Variants in TLR6 observed in about 807,000 individuals in gnomAD.
TLR6 encodes toll-like receptor 6.
TLR6 carries 9 observed loss-of-function variants against 16.1 expected under a neutral mutation model. The observed-to-expected ratio is 0.56, with a 90% CI of 0.34 to 0.98. The LOEUF (loss-of-function observed/expected upper bound fraction) is 0.98. TLR6 is among the 50% of genes least tolerant of loss of function. The pLI is 0.02. For missense variants in TLR6, 786 were observed against 921.0 expected, an observed-to-expected ratio of 0.85 and a Z score of 1.90; for synonymous variants, 340 against 338.6, an observed-to-expected ratio of 1.00 and a Z score of -0.04.
downstream of TLR6, among the ~76,000 whole-genome samples, chr4:38,823,380 C>T (rs1727401248): frequency 6.6e-6 from 1 of 152,194 alleles, no homozygotes; most frequent in African/African-American, 2.4e-5. Context: ...TGTGAGTGCA[C>T]TCTATGATGT....
At chr4:38,855,060 A>C (rs867594836) in intron 1 of TLR6, among the ~76,000 whole-genome samples, 6 of 151,988 alleles carry the variant, frequency 3.9e-5, no homozygotes, top group Non-Finnish European at 4.4e-5. Context: ...AAATACAAAA[A>C]AATTAGCCGG....
chr4:38,849,470 GAC>G (rs1213653065), intron 1 of TLR6, among the ~76,000 whole-genome samples: 40 of 152,196 alleles, frequency 2.6e-4, no homozygotes, highest in Admixed American at 7.2e-4. Flanking sequence ...CCAATTAAAA[GAC>G]ACAGACTGGC....
chr4:38,851,412 A>C (rs1417213982), intron 1 of TLR6, among the ~76,000 whole-genome samples: 1 of 152,208 alleles, frequency 6.6e-6, no homozygotes, highest in Non-Finnish European at 1.5e-5. Context: ...GAAAGAAATA[A>C]AGGGTATTCA....
At chr4:38,828,834 T>G (rs774494501) in exon 2 of TLR6, 1 of 1,614,100 alleles carries the variant, frequency 6.2e-7, no homozygotes, top group Non-Finnish European at 8.5e-7. Flanking sequence ...ACTGATATGT[T>G]CACTTGGATA....
chr4:38,854,318 C>A (rs1334570191), intron 1 of TLR6, among the ~76,000 whole-genome samples: 2 of 152,048 alleles, frequency 1.3e-5, no homozygotes, highest in East Asian at 1.9e-4. Flanking sequence ...GATGGACCAG[C>A]CATTAGATGC....
At chr4:38,829,226 A>G (rs1579239773) in exon 2 of TLR6, 4 of 1,614,220 alleles carry the variant, frequency 2.5e-6, no homozygotes, top group Non-Finnish European at 3.4e-6. Context: ...GTTATGGGAA[A>G]GTCTCAAAAC....
At chr4:38,856,176 C>T (rs1712978969) in intron 1 of TLR6, among the ~76,000 whole-genome samples, 1 of 152,190 alleles carries the variant, frequency 6.6e-6, no homozygotes, top group Non-Finnish European at 1.5e-5. Flanking sequence ...CGGCCACTTC[C>T]TCCATTTAAT....
chr4:38,866,988 A>G, the TLR6 span, among the ~76,000 whole-genome samples: 2 of 152,228 alleles, frequency 1.3e-5, no homozygotes, highest in African/African-American at 2.4e-5. Flanking sequence ...TTTATAGAAA[A>G]TACAAAATTG....
At chr4:38,856,546 A>G (rs1468599848) in intron 1 of TLR6, among the ~76,000 whole-genome samples, 1 of 152,238 alleles carries the variant, frequency 6.6e-6, no homozygotes, top group African/African-American at 2.4e-5. Flanking sequence ...GTTGTTTTCT[A>G]TCTTTTCAAG....
At chr4:38,833,553 T>C (rs987999444) in intron 1 of TLR6, among the ~76,000 whole-genome samples, 1 of 152,168 alleles carries the variant, frequency 6.6e-6, no homozygotes, top group African/African-American at 2.4e-5. Context: ...CAAAAGTCTT[T>C]CCCTATCAAA....
intron 1 of TLR6, among the ~76,000 whole-genome samples, chr4:38,844,176 A>T (rs1265475491): frequency 6.6e-6 from 1 of 152,206 alleles, no homozygotes; most frequent in Non-Finnish European, 1.5e-5. Context: ...AGCACACCGC[A>T]TTCTGAGATG....
At chr4:38,829,741 TG>T (rs1231090649) in intron 1 of TLR6, among the ~76,000 whole-genome samples, 1 of 152,216 alleles carries the variant, frequency 6.6e-6, no homozygotes, top group African/African-American at 2.4e-5. Flanking sequence ...ATCAAAGAAT[TG>T]TGGTTGTGTG....
At chr4:38,838,266 A>G (rs1712039529) in intron 1 of TLR6, among the ~76,000 whole-genome samples, 1 of 152,258 alleles carries the variant, frequency 6.6e-6, no homozygotes, top group African/African-American at 2.4e-5. Flanking sequence ...AAGAACAGAA[A>G]TCAGTGTATC....
chr4:38,827,542 A>C (rs5743818), exon 2 of TLR6: 387,912 of 1,614,050 alleles, frequency 0.24, 52,605 homozygotes, highest in Non-Finnish European at 0.28. Flanking sequence ...ATGAAATAAA[A>C]GCATGAAACT....
At chr4:38,847,928 G>A (rs1325428657) in intron 1 of TLR6, among the ~76,000 whole-genome samples, 1 of 152,232 alleles carries the variant, frequency 6.6e-6, no homozygotes, top group Non-Finnish European at 1.5e-5. Context: ...CAGCTTTGAA[G>A]AGAGTAGTGG....
At chr4:38,845,786 C>T (rs1259307637) in intron 1 of TLR6, among the ~76,000 whole-genome samples, 2 of 152,102 alleles carry the variant, frequency 1.3e-5, no homozygotes, top group Non-Finnish European at 2.9e-5. Flanking sequence ...GTTACAGCAT[C>T]AACAGAAAAT....
intron 1 of TLR6, among the ~76,000 whole-genome samples, chr4:38,846,453 C>CTCATGAGAAAAT (rs1166591429): frequency 6.6e-6 from 1 of 152,028 alleles, no homozygotes; most frequent in Non-Finnish European, 1.5e-5. Flanking sequence ...AATAGCACCA[C>CTCATGAGAAAAT]TAATGAGAAA....
At chr4:38,828,330 G>C (rs1162122023) in exon 2 of TLR6, 1 of 1,613,450 alleles carries the variant, frequency 6.2e-7, no homozygotes, top group Admixed American at 1.7e-5. Flanking sequence ...TGTAAGATAA[G>C]TGTCTCCAAT....
exon 1 of TLR6, chr4:38,856,765 A>G (rs766982882): frequency 3.3e-5 from 5 of 152,252 alleles, no homozygotes; most frequent in Non-Finnish European, 7.3e-5. Context: ...ACTTACCAAG[A>G]TCTCTTTTTC....
Sources: gnomAD v4.1 joint callset for allele counts (sites outside exome capture counted in the v4.1 genomes callset) on GRCh38, gnomAD v4.1.1 for gene constraint, MANE v1.5 for transcripts, NCBI Gene and HGNC (gene_info 2026-07-23, HGNC 2026-07-21) for gene names.